The following WAC variants were observed in gnomAD, a reference collection of about 807,000 sequenced individuals.
The protein encoded by WAC is WW domain-containing adapter protein with coiled-coil.
A neutral mutation model predicts 79.6 loss-of-function variants in WAC; 11 were observed. The observed-to-expected ratio is 0.14, with a 90% CI of 0.09 to 0.23. The LOEUF (loss-of-function observed/expected upper bound fraction) is 0.23. Among genes scored for constraint, WAC ranks in the 10% least tolerant of loss-of-function variants. WAC has a pLI of 1.00. For missense variants in WAC, 728 were observed against 773.5 expected (o/e 0.94, Z 0.70); for synonymous variants, 304 against 276.9 (o/e 1.10, Z -0.97).
chr10:28,576,420 ATTTG>A (rs1283046873), intron 3 of WAC, among the ~76,000 whole-genome samples: 4 of 152,144 alleles, frequency 2.6e-5, no homozygotes, highest in Non-Finnish European at 5.9e-5. Flanking sequence ...ACTTAATGTC[ATTTG>A]TTTGTGACAG....
intron 3 of WAC, among the ~76,000 whole-genome samples, chr10:28,541,405 G>GTA (rs1445117575): frequency 1.1e-5 from 1 of 88,420 alleles, no homozygotes; most frequent in Non-Finnish European, 2.4e-5. Context: ...GTGGGGTTGT[G>GTA]TGTGTGTGTG....
rs146343872 is a variant in WAC, at chr10:28,561,577, G to C, written c.275-21822G>C. On this transcript the variant is annotated intron_variant, in intron 3 of 13. Coordinates refer to ENST00000354911, the MANE Select transcript of WAC (RefSeq NM_016628.5). ...TGGAATTTGACCCTGTGGGAAAAAA[G>C]GATTATGGAACTTTTAAGTTTTTTC... is the stretch of plus-strand genomic sequence containing the variant. 2.9e-3 allele frequency among the ~76,000 whole-genome samples: 439 copies of C among 152,098 alleles called. 3 individuals are homozygous for C. The highest frequency in any genetic ancestry group is 9.9e-3 in the African/African-American group (412 of 41,502).
At chr10:28,604,091 A>G (rs1840805403) in intron 7 of WAC, among the ~76,000 whole-genome samples, 1 of 149,458 alleles carries the variant, frequency 6.7e-6, no homozygotes, top group Admixed American at 6.7e-5. Flanking sequence ...TATTTTTATA[A>G]GATTATTTAA....
At chr10:28,619,112 C>G (rs1564424285) in intron 13 of WAC, among the ~76,000 whole-genome samples, 1 of 152,146 alleles carries the variant, frequency 6.6e-6, no homozygotes, top group Non-Finnish European at 1.5e-5. Flanking sequence ...AACCCTGTCT[C>G]TACTAAAAAT....
chr10:28,567,011 G>GCAT (rs1838663520), intron 3 of WAC, among the ~76,000 whole-genome samples: 2 of 150,294 alleles, frequency 1.3e-5, no homozygotes, highest in African/African-American at 4.9e-5. Context: ...TTCATATTGG[G>GCAT]CATCTTATCT....
At chr10:28,603,486 C>T (rs1840742068) in intron 7 of WAC, among the ~76,000 whole-genome samples, 1 of 152,136 alleles carries the variant, frequency 6.6e-6, no homozygotes, top group African/African-American at 2.4e-5. Flanking sequence ...CACGTAAATT[C>T]ATTCTTTGTG....
intron 3 of WAC, among the ~76,000 whole-genome samples, chr10:28,563,793 G>A (rs182180361): frequency 1.3e-3 from 169 of 127,176 alleles, no homozygotes; most frequent in African/African-American, 4.4e-3. Flanking sequence ...GTAGAGACGG[G>A]GTTTCAACAT....
chr10:28,610,703 T>C lies in WAC; in HGVS notation c.1170T>C (p.Leu390=). 1 of 1,607,554 alleles carries C rather than the reference T, an allele frequency of 6.2e-7. No individual in the cohort carries two copies. The highest frequency in any genetic ancestry group is 8.5e-7 in the Non-Finnish European group (1 of 1,178,350). Residue 390 remains leucine (L), a synonymous_variant, in exon 9 of 14, where the codon CTT becomes CTC. Transcript: ENST00000354911. ...TATGAAATAATATGTTTTTAGTTCT[T>C]ACAGCAGCTGTGACACAAGCCTCAC... ...NVDISKINEV[L]TAAVTQASLQ...
chr10:28,588,527 T>A (rs542270229), intron 4 of WAC, among the ~76,000 whole-genome samples: 18 of 152,332 alleles, frequency 1.2e-4, no homozygotes, highest in Non-Finnish European at 2.1e-4. Flanking sequence ...TAATTAGTTT[T>A]GTGACCTATA....
chr10:28,593,206 C>T (rs1840186767), intron 6 of WAC, among the ~76,000 whole-genome samples: 1 of 152,144 alleles, frequency 6.6e-6, no homozygotes, highest in Non-Finnish European at 1.5e-5. Flanking sequence ...AATTGGTCAA[C>T]TTAGTAATAA....
At position 28,541,415 on chromosome 10, in the gene WAC, G is replaced by GTTTTTTTT. The variant is rs143772149; in HGVS notation, c.274+5662_274+5663insTTTTTTTT. The stretch of plus-strand genomic sequence containing the variant: ...TTTTTGTGGGGTTGTGTGTGTGTGT[G>GTTTTTTTT]TTTTGTTTTTTTTTTTTTTTTTTTT... On this transcript the variant is annotated intron_variant, in intron 3 of 13. Coordinates refer to ENST00000354911, the MANE Select transcript of WAC (RefSeq NM_016628.5). 4.2e-3 allele frequency among the ~76,000 whole-genome samples: 159 copies of GTTTTTTTT among 37,886 alleles called. 43 individuals are homozygous for GTTTTTTTT. Among genetic ancestry groups the GTTTTTTTT allele is most frequent in the Non-Finnish European group, 5.8e-3 (136 of 23,610 alleles). 24.9% of individuals were successfully genotyped at this position (37,886 alleles called of 152,430 possible). A position where few individuals can be genotyped will look rare whatever the true frequency, so the allele number is the denominator to read the frequency against.
intron 3 of WAC, among the ~76,000 whole-genome samples, chr10:28,553,996 G>T (rs1837846308): frequency 6.6e-6 from 1 of 151,994 alleles, no homozygotes; most frequent in African/African-American, 2.4e-5. Context: ...TCTCCCAAGT[G>T]TCCAGGACTA....
rs529782678 is a variant in WAC, at chr10:28,564,122, A to C, written c.275-19277A>C. The stretch of plus-strand genomic sequence containing the variant: ...TTACCAAAAAATACAAAAATGAGCC[A>C]GGCATGGTGGTGTACACCTGTAGTC... On this transcript the variant is annotated intron_variant, in intron 3 of 13. Transcript: ENST00000354911. 2.8e-4 allele frequency among the ~76,000 whole-genome samples: 43 copies of C among 152,082 alleles called. No individual in the cohort carries two copies. In the East Asian group the frequency reaches 7.8e-3, roughly 28 times the overall value.
At chr10:28,544,203 A>G (rs921687229) in intron 3 of WAC, among the ~76,000 whole-genome samples, 1 of 152,076 alleles carries the variant, frequency 6.6e-6, no homozygotes, top group African/African-American at 2.4e-5. Flanking sequence ...TTTTTGTAAA[A>G]TTGTTTCGCA....
At chr10:28,534,410 TATTAAA>T (rs553917387) in intron 2 of WAC, 70 of 210,100 alleles carry the variant, frequency 3.3e-4, no homozygotes, top group African/African-American at 1.5e-3. Context: ...AATGTAAAGG[TATTAAA>T]ATTAAGTGAA....
At chr10:28,533,761 CGCGG>C (rs922941687) in intron 1 of WAC, 141 bp downstream of exon 1, 644 of 768,442 alleles carry the variant, frequency 8.4e-4, no homozygotes, top group Admixed American at 1.9e-3. Context: ...GGAGCGGCCG[CGCGG>C]GCGGGCGGGC....
intron 3 of WAC, among the ~76,000 whole-genome samples, chr10:28,558,533 G>C (rs2132469534): frequency 6.6e-6 from 1 of 152,066 alleles, no homozygotes; most frequent in African/African-American, 2.4e-5. Flanking sequence ...TAATTCTTTT[G>C]AGTTATGTGT....
Position 28,533,532 on chromosome 10 carries a change from G to A in WAC, c.-48G>A, listed in dbSNP as rs766574483. 17 of 1,234,618 alleles carry A rather than the reference G, an allele frequency of 1.4e-5. No individual in the cohort carries two copies. The highest frequency in any genetic ancestry group is 1.3e-4 in the Admixed American group (5 of 37,794). 76.5% of individuals were successfully genotyped at this position (1,234,618 alleles called of 1,614,324 possible). ...CCGCCTGCGCGCCCGCCCGCCTTTC[G>A]CGGCCGCTCTCCCCCCTCCCCGACA... On this transcript the variant is annotated 5_prime_UTR_variant, in exon 1 of 14. Coordinates refer to ENST00000354911, the MANE Select transcript of WAC (RefSeq NM_016628.5).
chr10:28,613,468 T>A (rs1841342020), intron 10 of WAC, among the ~76,000 whole-genome samples: 1 of 152,146 alleles, frequency 6.6e-6, no homozygotes, highest in Non-Finnish European at 1.5e-5. Flanking sequence ...CACGTCACTC[T>A]GCACTTGAGA....
Sources: allele counts gnomAD v4.1 joint callset (sites outside exome capture counted in the v4.1 genomes callset), GRCh38; gene constraint gnomAD v4.1.1; transcripts MANE v1.5; gene names NCBI Gene and HGNC (gene_info 2026-07-23, HGNC 2026-07-21).